BARX2: variants seen among roughly 807,000 people sequenced by gnomAD.
BARX2 encodes the protein BARX homeobox 2.
A neutral mutation model predicts 25.5 loss-of-function variants in BARX2; 11 were observed. The ratio of observed to expected loss-of-function variants is 0.43; its 90% CI spans 0.27 to 0.71. The LOEUF (loss-of-function observed/expected upper bound fraction) is 0.71, where lower values mean the gene tolerates loss of function less well. Among genes scored for constraint, BARX2 ranks in the 30% least tolerant of loss-of-function variants. The pLI is 0.19. For missense variants in BARX2, 360 were observed against 359.9 expected, an observed-to-expected ratio of 1.00 and a Z score of 0.00; for synonymous variants, 137 against 149.5, an observed-to-expected ratio of 0.92 and a Z score of 0.61.
chr11:129,392,387 A>C (rs779971473), intron 1 of BARX2, among the ~76,000 whole-genome samples: 1 of 152,216 alleles, frequency 6.6e-6, no homozygotes, highest in African/African-American at 2.4e-5. Flanking sequence ...GCACAAGTGC[A>C]AGGTCGATTA....
rs1254861777 is a variant in BARX2, at chr11:129,452,047, T to C, written c.*645T>C. 6.6e-6 allele frequency: 1 copy of C among 151,838 alleles called. No individual in the cohort carries two copies. Among genetic ancestry groups the C allele is most frequent in the Non-Finnish European group, 1.5e-5 (1 of 67,956 alleles). 9.4% of individuals were successfully genotyped at this position (151,838 alleles called of 1,614,324 possible). A position where few individuals can be genotyped will look rare whatever the true frequency, so the allele number is the denominator to read the frequency against. On this transcript the variant is annotated 3_prime_UTR_variant, in exon 4 of 4. Transcript: ENST00000281437. ...AAGCTTTGGTTTTTTTTTTGTTTTG[T>C]TTTGTTTTTTGCTTCATTTACCCAT...
chr11:129,451,126 A>G lies in BARX2; in HGVS notation c.574-10A>G, dbSNP rs766215248. 1 of 1,604,416 alleles carries G rather than the reference A, an allele frequency of 6.2e-7. No homozygotes were observed. The highest frequency in any genetic ancestry group is 1.1e-5 in the South Asian group (1 of 90,256). ...TTCTTAGATTCAATAACAATTTTTT[A>G]CTCACGTAGGTTCTTAAAGGTGGAC... On this transcript the variant is annotated splice_polypyrimidine_tract_variant and intron_variant, in intron 3 of 3. Coordinates refer to ENST00000281437, the MANE Select transcript of BARX2 (RefSeq NM_003658.5).
At chr11:129,431,491 T>TA (rs1403896535) in intron 1 of BARX2, among the ~76,000 whole-genome samples, 1 of 152,244 alleles carries the variant, frequency 6.6e-6, no homozygotes, top group Non-Finnish European at 1.5e-5. Context: ...TCAACTGTTC[T>TA]AGCAGCTGTG....
At chr11:129,377,129 C>A (rs1861512637) in intron 1 of BARX2, among the ~76,000 whole-genome samples, 1 of 152,282 alleles carries the variant, frequency 6.6e-6, no homozygotes, top group East Asian at 1.9e-4. Context: ...ATTGAGTGTG[C>A]TTTCCATTAA....
chr11:129,434,421 T>TAAAAAAAAAAAAAAAAAAAAAA (rs56344103), intron 1 of BARX2, among the ~76,000 whole-genome samples: 1 of 76,378 alleles, frequency 1.3e-5, no homozygotes, highest in African/African-American at 5.0e-5. Flanking sequence ...AAAAAGTAAG[T>TAAAAAAAAAAAAAAAAAAAAAA]AAAAAAAAAA....
At chr11:129,425,643 G>C (rs1862054747) in intron 1 of BARX2, among the ~76,000 whole-genome samples, 1 of 152,230 alleles carries the variant, frequency 6.6e-6, no homozygotes, top group African/African-American at 2.4e-5. Context: ...CAGCATTGCT[G>C]AGTGGTTTTG....
chr11:129,431,072 G>T (rs1288329711), intron 1 of BARX2, among the ~76,000 whole-genome samples: 1 of 152,130 alleles, frequency 6.6e-6, no homozygotes, highest in African/African-American at 2.4e-5. Flanking sequence ...ATGTTGGCCA[G>T]GCTGGTCTCA....
At chr11:129,447,225 C>G (rs764932684) in intron 3 of BARX2, among the ~76,000 whole-genome samples, 14 of 152,134 alleles carry the variant, frequency 9.2e-5, no homozygotes, top group African/African-American at 2.2e-4. Context: ...TTCCCTGCCC[C>G]CTACCCAGGC....
At chr11:129,394,993 A>G (rs1474040891) in intron 1 of BARX2, among the ~76,000 whole-genome samples, 6 of 151,878 alleles carry the variant, frequency 4.0e-5, no homozygotes, top group African/African-American at 1.4e-4. Flanking sequence ...AAATTGCTCA[A>G]CCAAGATCAC....
intron 1 of BARX2, among the ~76,000 whole-genome samples, chr11:129,412,771 G>A (rs1424960166): frequency 1.6e-4 from 24 of 152,212 alleles, no homozygotes; most frequent in Admixed American, 1.6e-3. Flanking sequence ...CCCTGTTGCA[G>A]CTAGTCCTCA....
chr11:129,419,682 C>T (rs1861982156), intron 1 of BARX2, among the ~76,000 whole-genome samples: 1 of 152,068 alleles, frequency 6.6e-6, no homozygotes, highest in Admixed American at 6.6e-5. Flanking sequence ...ATCTAAAAGA[C>T]ACCAGGCTGA....
At chr11:129,439,605 T>A (rs1862233052) in intron 2 of BARX2, among the ~76,000 whole-genome samples, 1 of 152,170 alleles carries the variant, frequency 6.6e-6, no homozygotes, top group South Asian at 2.1e-4. Context: ...AGGGACGCCA[T>A]GAACTGAAGT....
In BARX2 at chr11:129,376,506, T is replaced by A. The variant is rs1861506226; in HGVS notation, c.187+284T>A. Among the ~76,000 whole-genome samples, 1 of 152,228 alleles carries A rather than the reference T, an allele frequency of 6.6e-6. No homozygotes were observed. The highest frequency in any genetic ancestry group is 2.4e-5 in the African/African-American group (1 of 41,470). On this transcript the variant is annotated intron_variant, in intron 1 of 3. Transcript: ENST00000281437. This position sits in a 1 kb window ranked among gnomAD's most constrained non-coding sequence, Gnocchi z 4.2. ...CGGAGGAGAACGCTTCCTCGTTTCCTGCTGAAAGTTCAAACACTTGAGCAG... is the reference window on the plus strand; with the variant it reads ...CGGAGGAGAACGCTTCCTCGTTTCCAGCTGAAAGTTCAAACACTTGAGCAG...
intron 1 of BARX2, among the ~76,000 whole-genome samples, chr11:129,424,083 T>C (rs1862038462): frequency 6.6e-6 from 1 of 152,084 alleles, no homozygotes; most frequent in South Asian, 2.1e-4. Flanking sequence ...CTCTTGACCT[T>C]GTGATCCTCC....
chr11:129,450,303 TAGAAAA>T (rs1435611824), intron 3 of BARX2, among the ~76,000 whole-genome samples: 1 of 152,216 alleles, frequency 6.6e-6, no homozygotes, highest in Non-Finnish European at 1.5e-5. Context: ...GTTGAAAGTT[TAGAAAA>T]TATAGAAAAA....
intron 1 of BARX2, among the ~76,000 whole-genome samples, chr11:129,394,394 A>T (rs905834129): frequency 1.3e-5 from 2 of 152,234 alleles, no homozygotes; most frequent in African/African-American, 4.8e-5. Flanking sequence ...TAGTTTTTCT[A>T]TGAGAAAAAT....
At chr11:129,399,249 A>T (rs1315781830) in intron 1 of BARX2, among the ~76,000 whole-genome samples, 2 of 152,188 alleles carry the variant, frequency 1.3e-5, no homozygotes, top group African/African-American at 4.8e-5. Context: ...TCTTATGGGA[A>T]GACCTTCATA....
At chr11:129,439,115 G>GACTT (rs1261693406) in intron 2 of BARX2, among the ~76,000 whole-genome samples, 1 of 152,126 alleles carries the variant, frequency 6.6e-6, no homozygotes, top group African/African-American at 2.4e-5. Flanking sequence ...GACATGATCA[G>GACTT]ACTTACATTT....
At chr11:129,417,012 C>T (rs1861951718) in intron 1 of BARX2, among the ~76,000 whole-genome samples, 1 of 151,978 alleles carries the variant, frequency 6.6e-6, no homozygotes, top group Non-Finnish European at 1.5e-5. Flanking sequence ...CGCCATTCTC[C>T]TGCCTCAGCC....
Sources: gnomAD v4.1 joint callset for allele counts (sites outside exome capture counted in the v4.1 genomes callset) on GRCh38, gnomAD v4.1.1 for gene constraint, Gnocchi (gnomAD v3.1) non-coding constraint, MANE v1.5 for transcripts, NCBI Gene and HGNC (gene_info 2026-07-23, HGNC 2026-07-21) for gene names.